CTNNA2: variants seen among roughly 807,000 people sequenced by gnomAD.
CTNNA2 encodes the protein catenin alpha-2.
A neutral mutation model predicts 101.0 loss-of-function variants in CTNNA2; 42 were observed. The observed-to-expected ratio is 0.42, with a 90% CI of 0.32 to 0.54. The LOEUF is 0.54. Among genes scored for constraint, CTNNA2 ranks in the 20% least tolerant of loss-of-function variants. The pLI, the probability that CTNNA2 is intolerant of heterozygous loss-of-function variation, is 0.14. For missense variants in CTNNA2, 871 were observed against 1,223.1 expected, an observed-to-expected ratio of 0.71 and a Z score of 4.29; for synonymous variants, 450 against 456.4, an observed-to-expected ratio of 0.99 and a Z score of 0.18.
chr2:80,259,387 A>G (rs1182573382), intron 7 of CTNNA2, among the ~76,000 whole-genome samples: 1 of 152,170 alleles, frequency 6.6e-6, no homozygotes, highest in Non-Finnish European at 1.5e-5. Context: ...AACCTCCTGC[A>G]GGGCCTTCAA....
intron 9 of CTNNA2, among the ~76,000 whole-genome samples, chr2:80,431,206 T>G (rs1362428338): frequency 4.6e-5 from 7 of 152,182 alleles, no homozygotes; most frequent in Admixed American, 4.6e-4. Flanking sequence ...TTTCTTTGAC[T>G]CCGTTAGTTT....
chr2:79,369,628 C>T (rs532339997), intron 3 of CTNNA2, among the ~76,000 whole-genome samples: 1 of 152,276 alleles, frequency 6.6e-6, no homozygotes, highest in South Asian at 2.1e-4. Context: ...TCAAGGCTCA[C>T]CCAACATAAA....
At chr2:79,680,882 CCTGAATGA>C (rs112116756) in intron 2 of CTNNA2, among the ~76,000 whole-genome samples, 3,600 of 152,220 alleles carry the variant, frequency 0.024, 129 homozygotes, top group African/African-American at 0.082. Context: ...CGTCCTCTGT[CCTGAATGA>C]CTGCTGCAGT....
chr2:79,791,931 C>T (rs887581673), intron 3 of CTNNA2, among the ~76,000 whole-genome samples: 14 of 152,272 alleles, frequency 9.2e-5, no homozygotes, highest in African/African-American at 3.4e-4. Flanking sequence ...TATTATTTGT[C>T]ACTCTACGGA....
At chr2:80,278,817 A>AAT (rs1041794753) in intron 7 of CTNNA2, among the ~76,000 whole-genome samples, 8 of 151,710 alleles carry the variant, frequency 5.3e-5, no homozygotes, top group African/African-American at 7.3e-5. Flanking sequence ...AAATTAAAAA[A>AAT]ATATATATAT....
chr2:79,742,179 C>T (rs1021657086), intron 2 of CTNNA2, among the ~76,000 whole-genome samples: 1 of 152,176 alleles, frequency 6.6e-6, no homozygotes, highest in Non-Finnish European at 1.5e-5. Context: ...TGCAGTAATG[C>T]ACCATGACAT....
chr2:79,953,333 G>T (rs553711717), intron 7 of CTNNA2, among the ~76,000 whole-genome samples: 46 of 152,278 alleles, frequency 3.0e-4, no homozygotes, highest in African/African-American at 1.1e-3. Flanking sequence ...ATAAATACCG[G>T]TCTTTGCACA....
At chr2:80,598,155 A>G (rs904486496) in intron 15 of CTNNA2, among the ~76,000 whole-genome samples, 2 of 152,216 alleles carry the variant, frequency 1.3e-5, no homozygotes, top group South Asian at 2.1e-4. Context: ...TATTAATTGC[A>G]GGGACATGGA....
chr2:79,704,384 G>A (rs999062371), intron 2 of CTNNA2, among the ~76,000 whole-genome samples: 11 of 152,002 alleles, frequency 7.2e-5, no homozygotes, highest in Admixed American at 2.0e-4. Context: ...TTGTGTGATC[G>A]ATGTTAAACT....
intron 7 of CTNNA2, among the ~76,000 whole-genome samples, chr2:80,232,035 T>A (rs1039524653): frequency 2.6e-5 from 4 of 152,320 alleles, no homozygotes; most frequent in Non-Finnish European, 5.9e-5. Flanking sequence ...GGTCTTTAGA[T>A]AATAACTTAA....
chr2:80,472,922 G>A (rs150023438), intron 9 of CTNNA2, among the ~76,000 whole-genome samples: 8 of 152,184 alleles, frequency 5.3e-5, no homozygotes, highest in South Asian at 2.1e-4. Context: ...GGTCTGCCTC[G>A]CCCCATCCCA....
At chr2:79,438,828 C>G (rs1678747049) in intron 4 of CTNNA2, among the ~76,000 whole-genome samples, 1 of 152,198 alleles carries the variant, frequency 6.6e-6, no homozygotes, top group African/African-American at 2.4e-5. Context: ...TGCTCAGTAT[C>G]ATTAGTCTTT....
At chr2:79,616,027 A>G (rs142548191) in intron 1 of CTNNA2, among the ~76,000 whole-genome samples, 100 of 152,324 alleles carry the variant, frequency 6.6e-4, no homozygotes, top group African/African-American at 2.3e-3. Flanking sequence ...GGAAGGAGAC[A>G]TGTTTTCTGT....
chr2:80,522,260 G>C (rs946223295), intron 9 of CTNNA2, among the ~76,000 whole-genome samples: 1 of 152,164 alleles, frequency 6.6e-6, no homozygotes, highest in Non-Finnish European at 1.5e-5. Context: ...TGTTCTCAAG[G>C]ATCCTCAAAA....
intron 2 of CTNNA2, among the ~76,000 whole-genome samples, chr2:79,268,337 T>C (rs1675014104): frequency 6.6e-6 from 1 of 152,044 alleles, no homozygotes; most frequent in Non-Finnish European, 1.5e-5. Flanking sequence ...AGCAATGAGA[T>C]AGATGGACAA....
At chr2:79,896,657 G>A (rs1684733933) in intron 6 of CTNNA2, among the ~76,000 whole-genome samples, 1 of 152,220 alleles carries the variant, frequency 6.6e-6, no homozygotes, top group African/African-American at 2.4e-5. Context: ...ACACACACGT[G>A]TGTGCACACA....
At chr2:79,669,418 C>A (rs920211977) in intron 2 of CTNNA2, among the ~76,000 whole-genome samples, 6 of 152,158 alleles carry the variant, frequency 3.9e-5, no homozygotes, top group African/African-American at 1.4e-4. Flanking sequence ...GGCTGGAAAC[C>A]TCTGTGGCCA....
intron 4 of CTNNA2, among the ~76,000 whole-genome samples, chr2:79,462,515 C>A (rs1670891012): frequency 6.6e-6 from 1 of 152,114 alleles, no homozygotes; most frequent in Non-Finnish European, 1.5e-5. Flanking sequence ...TCTTTTGGCA[C>A]AATATTTTTC....
intron 3 of CTNNA2, 65 bp from the exon 4 acceptor site, chr2:79,857,948 T>C: frequency 6.6e-7 from 1 of 1,508,316 alleles, no homozygotes. Context: ...CATTCACAGA[T>C]CTTTAGGATG....
Sources: allele counts gnomAD v4.1 joint callset (sites outside exome capture counted in the v4.1 genomes callset), GRCh38; gene constraint gnomAD v4.1.1; transcripts MANE v1.5; gene names NCBI Gene and HGNC (gene_info 2026-07-23, HGNC 2026-07-21).